Variants in ADAMTS18 observed in about 807,000 individuals in gnomAD.
ADAMTS18 encodes A disintegrin and metalloproteinase with thrombospondin motifs 18.
ADAMTS18 carries 157 observed loss-of-function variants against 165.9 expected under a neutral mutation model. The ratio of observed to expected loss-of-function variants is 0.95; its 90% CI spans 0.83 to 1.08. The LOEUF is 1.08. ADAMTS18 is among the 50% of genes least tolerant of loss of function. The pLI is 0.00. For synonymous variants in ADAMTS18, 782 were observed against 578.2 expected, an observed-to-expected ratio of 1.35 and a Z score of -5.06; for missense variants, 2,040 against 1,534.0, an observed-to-expected ratio of 1.33 and a Z score of -5.51.
intron 3 of ADAMTS18, among the ~76,000 whole-genome samples, chr16:77,393,412 C>A (rs1309921514): frequency 6.6e-6 from 1 of 152,164 alleles, no homozygotes; most frequent in Non-Finnish European, 1.5e-5. Flanking sequence ...GGGTTCTAAA[C>A]CCTGAGCTGA....
At position 77,431,221 on chromosome 16, in the gene ADAMTS18, A is replaced by G. The variant is rs1597267692; in HGVS notation, c.495+74T>C. 3.9e-6 allele frequency: 6 copies of G among 1,521,774 alleles called. No individual in the cohort carries two copies. In the East Asian group the frequency reaches 1.1e-4, roughly 29 times the overall value. 94.3% of individuals were successfully genotyped at this position (1,521,774 alleles called of 1,614,324 possible). A position where few individuals can be genotyped will look rare whatever the true frequency, so the allele number is the denominator to read the frequency against. On this transcript the variant is annotated intron_variant, in intron 3 of 22. Coordinates refer to ENST00000282849, the MANE Select transcript of ADAMTS18 (RefSeq NM_199355.4). Reference sequence around the variant, plus strand: ...TGGAGTTGGCTGGAAGAGCATTTATATTGCAGACATCTGTTCATTCAAGTT... The same window carrying G: ...TGGAGTTGGCTGGAAGAGCATTTATGTTGCAGACATCTGTTCATTCAAGTT...
At chr16:77,339,374 C>G (rs1199207660) in intron 11 of ADAMTS18, among the ~76,000 whole-genome samples, 1 of 152,002 alleles carries the variant, frequency 6.6e-6, no homozygotes, top group Non-Finnish European at 1.5e-5. Flanking sequence ...CGTGGTGTGG[C>G]AGTTGTATCA....
chr16:77,360,299 T>C (rs191702412), intron 7 of ADAMTS18, among the ~76,000 whole-genome samples: 31 of 152,352 alleles, frequency 2.0e-4, no homozygotes, highest in African/African-American at 6.3e-4. Context: ...ATGTCTATTA[T>C]ATATCTGTGT....
intron 14 of ADAMTS18, among the ~76,000 whole-genome samples, 158 bp downstream of exon 14, chr16:77,322,178 A>G (rs1295549034): frequency 1.4e-5 from 2 of 138,804 alleles, no homozygotes; most frequent in African/African-American, 2.7e-5. Flanking sequence ...AAAAAAAAAA[A>G]GATATGGTGC....
At chr16:77,431,209 A>T in intron 3 of ADAMTS18, 86 bp downstream of exon 3, 1 of 1,443,514 alleles carries the variant, frequency 6.9e-7, no homozygotes, top group Non-Finnish European at 9.7e-7. Context: ...AGTTGGCTGG[A>T]AGAGCATTTA....
intron 8 of ADAMTS18, among the ~76,000 whole-genome samples, chr16:77,358,282 G>A (rs899847218): frequency 1.3e-5 from 2 of 152,158 alleles, no homozygotes; most frequent in South Asian, 2.1e-4. Context: ...GCTCATAGAA[G>A]ATACTGGCAC....
At chr16:77,367,060 T>G (rs1481261020) in intron 4 of ADAMTS18, among the ~76,000 whole-genome samples, 1 of 152,316 alleles carries the variant, frequency 6.6e-6, no homozygotes, top group East Asian at 1.9e-4. Flanking sequence ...CACATGCTAA[T>G]GTTCTTGTTT....
chr16:77,392,329 C>A (rs1028239764), intron 3 of ADAMTS18, among the ~76,000 whole-genome samples: 1 of 152,194 alleles, frequency 6.6e-6, no homozygotes, highest in Admixed American at 6.5e-5. Flanking sequence ...CCCTCATTAA[C>A]TGAGTCCCAG....
At chr16:77,305,084 T>C (rs1374267728) in intron 16 of ADAMTS18, among the ~76,000 whole-genome samples, 1 of 148,346 alleles carries the variant, frequency 6.7e-6, no homozygotes, top group Non-Finnish European at 1.5e-5. Flanking sequence ...CGTAAAGGCC[T>C]TGTAAAGGAA....
At chr16:77,417,481 TACTC>T (rs1296332998) in intron 3 of ADAMTS18, among the ~76,000 whole-genome samples, 2 of 152,242 alleles carry the variant, frequency 1.3e-5, no homozygotes, top group African/African-American at 4.8e-5. Context: ...GCCAGTGTAC[TACTC>T]ACTGTTAGCT....
At chr16:77,406,399 A>G (rs932992015) in intron 3 of ADAMTS18, among the ~76,000 whole-genome samples, 1 of 152,162 alleles carries the variant, frequency 6.6e-6, no homozygotes, top group Admixed American at 6.6e-5. Flanking sequence ...GTGAAATAAA[A>G]TCTTGCCCTC....
At chr16:77,386,196 G>C (rs1420984993) in intron 3 of ADAMTS18, among the ~76,000 whole-genome samples, 1 of 152,172 alleles carries the variant, frequency 6.6e-6, no homozygotes, top group Non-Finnish European at 1.5e-5. Flanking sequence ...AGCAGTAAAA[G>C]TGTTTTGATG....
At chr16:77,294,540 T>C (rs1483776711) in intron 19 of ADAMTS18, among the ~76,000 whole-genome samples, 1 of 152,232 alleles carries the variant, frequency 6.6e-6, no homozygotes, top group African/African-American at 2.4e-5. Context: ...CTTCTAACTT[T>C]ACCTCTTTCC....
chr16:77,338,858 G>T (rs1018770148), intron 11 of ADAMTS18, among the ~76,000 whole-genome samples: 2 of 151,574 alleles, frequency 1.3e-5, no homozygotes, highest in African/African-American at 4.9e-5. Context: ...GGAGGCTGAG[G>T]CAGGAGAATG....
intron 21 of ADAMTS18, among the ~76,000 whole-genome samples, chr16:77,290,009 T>C (rs987561820): frequency 1.3e-5 from 2 of 152,184 alleles, no homozygotes; most frequent in African/African-American, 4.8e-5. Flanking sequence ...AGATACTTCA[T>C]AACAAAAGGA....
intron 3 of ADAMTS18, among the ~76,000 whole-genome samples, chr16:77,376,428 A>G (rs577418706): frequency 1.9e-4 from 29 of 152,298 alleles, no homozygotes; most frequent in African/African-American, 6.7e-4. Flanking sequence ...TCAGGCCCCA[A>G]GTCCACTTAG....
At chr16:77,375,049 A>G (rs1375191256) in intron 3 of ADAMTS18, among the ~76,000 whole-genome samples, 1 of 152,138 alleles carries the variant, frequency 6.6e-6, no homozygotes, top group South Asian at 2.1e-4. Context: ...AAGCATTTTG[A>G]GATATCGAAA....
At chr16:77,360,941 C>A (rs1165552861) in intron 7 of ADAMTS18, among the ~76,000 whole-genome samples, 4 of 151,944 alleles carry the variant, frequency 2.6e-5, no homozygotes, top group Non-Finnish European at 5.9e-5. Context: ...CAAAAATTAG[C>A]CAGGTGTGGT....
intron 15 of ADAMTS18, 38 bp downstream of exon 15, chr16:77,321,041 G>A: frequency 6.2e-7 from 1 of 1,613,768 alleles, no homozygotes; most frequent in Non-Finnish European, 8.5e-7. Flanking sequence ...AGCAAAAGTT[G>A]TATCTCATTA....
Sources: gnomAD v4.1 joint callset for allele counts (sites outside exome capture counted in the v4.1 genomes callset) on GRCh38, gnomAD v4.1.1 for gene constraint, MANE v1.5 for transcripts, NCBI Gene and HGNC (gene_info 2026-07-23, HGNC 2026-07-21) for gene names.